KAZN: variants seen among roughly 807,000 people sequenced by gnomAD.
The protein encoded by KAZN is kazrin, periplakin interacting protein, also known as kazrin.
In KAZN, 40 loss-of-function variants were observed where a neutral mutation model predicts 87.4. The ratio of observed to expected loss-of-function variants is 0.46; its 90% CI spans 0.36 to 0.60. The LOEUF is 0.60. KAZN is among the 20% of genes least tolerant of loss of function. The pLI, the probability that KAZN is intolerant of heterozygous loss-of-function variation, is 0.00. For synonymous variants in KAZN, 466 were observed against 458.3 expected (o/e 1.02, Z -0.22); for missense variants, 898 against 1,073.9 (o/e 0.84, Z 2.29).
intron 1 of KAZN, among the ~76,000 whole-genome samples, chr1:13,910,670 G>A (rs1173582212): frequency 6.6e-6 from 1 of 151,956 alleles, no homozygotes; most frequent in Non-Finnish European, 1.5e-5. Context: ...CTACAGAACC[G>A]TAGCCAATTA....
intron 2 of KAZN, among the ~76,000 whole-genome samples, chr1:14,272,870 T>TAAAATA (rs942510362): frequency 6.6e-6 from 1 of 151,370 alleles, no homozygotes; most frequent in African/African-American, 2.4e-5. Context: ...AAACAAAAAA[T>TAAAATA]AAAATAAAAA....
chr1:14,743,882 G>A (rs1471545459), intron 1 of KAZN, among the ~76,000 whole-genome samples: 2 of 152,100 alleles, frequency 1.3e-5, no homozygotes, highest in Non-Finnish European at 2.9e-5. Flanking sequence ...GTGGAGACAG[G>A]GGCCCATCCA....
chr1:14,826,347 T>C (rs961529915), intron 1 of KAZN, among the ~76,000 whole-genome samples: 2 of 152,240 alleles, frequency 1.3e-5, no homozygotes, highest in Non-Finnish European at 2.9e-5. Context: ...GTTGGCCATA[T>C]GGATTTATTT....
chr1:15,092,064 T>TTG (rs1640564527), intron 8 of KAZN, among the ~76,000 whole-genome samples: 1 of 149,852 alleles, frequency 6.7e-6, no homozygotes, highest in Admixed American at 6.6e-5. Context: ...TTTTTTGTTT[T>TTG]TTTTTTTGAT....
intron 1 of KAZN, among the ~76,000 whole-genome samples, chr1:14,638,868 C>A: frequency 6.6e-6 from 1 of 152,178 alleles, no homozygotes; most frequent in African/African-American, 2.4e-5. Context: ...CCCATCCCAC[C>A]CATTTCCACC....
chr1:15,060,257 G>A lies in KAZN; in HGVS notation c.1002G>A (p.Pro334=), dbSNP rs560980284. Residue 334 remains proline, a synonymous_variant, in exon 6 of 15, where the codon CCG becomes CCA. Coordinates refer to ENST00000376030, the MANE Select transcript of KAZN (RefSeq NM_201628.3). The part of the protein sequence containing the change: ...SAAEGDRSST[P]SDINSPRHRT... ...CCGAAGGCGACCGGTCGTCCACACC[G>A]AGCGACATCAACTCCCCTCGACACC... The A allele has an allele frequency of 3.3e-5, 54 of 1,614,192 alleles. No individual in the cohort carries two copies. The highest frequency in any genetic ancestry group is 1.2e-4 in the South Asian group (11 of 91,080).
intron 8 of KAZN, among the ~76,000 whole-genome samples, chr1:15,073,129 C>A (rs1169373891): frequency 2.0e-5 from 3 of 152,154 alleles, no homozygotes; most frequent in Admixed American, 1.3e-4. Context: ...CACTGGACTT[C>A]CGTGTACGAG....
At chr1:13,961,890 C>T (rs1641766283) in intron 1 of KAZN, among the ~76,000 whole-genome samples, 1 of 152,200 alleles carries the variant, frequency 6.6e-6, no homozygotes, top group Non-Finnish European at 1.5e-5. Context: ...GATTGGCAGT[C>T]CATCCCTCTG....
chr1:14,526,214 T>C (rs1236103006), intron 2 of KAZN, among the ~76,000 whole-genome samples: 1 of 152,216 alleles, frequency 6.6e-6, no homozygotes, highest in Non-Finnish European at 1.5e-5. Flanking sequence ...GTAGGTACGA[T>C]TGACTCTTTA....
intron 1 of KAZN, among the ~76,000 whole-genome samples, chr1:14,148,290 C>T (rs1158211398): frequency 6.6e-6 from 1 of 152,194 alleles, no homozygotes; most frequent in Non-Finnish European, 1.5e-5. Context: ...TGCTTCTCCT[C>T]TCATCCCTGT....
chr1:14,154,431 A>G (rs1645544135), intron 1 of KAZN, among the ~76,000 whole-genome samples: 1 of 152,190 alleles, frequency 6.6e-6, no homozygotes, highest in South Asian at 2.1e-4. Flanking sequence ...ATAAGATCAT[A>G]TCATCTACAA....
At position 13,960,710 on chromosome 1, in the gene KAZN, AC is replaced by A. The variant is rs535447948; in HGVS notation, c.91+66955del. Among the ~76,000 whole-genome samples the A allele has an allele frequency of 3.3e-5, 5 of 152,314 alleles. No individual in the cohort carries two copies. In the East Asian group the frequency reaches 9.6e-4, roughly 29 times the overall value. On this transcript the variant is annotated intron_variant, in intron 1 of 16. Transcript: ENST00000636203. ...TACTTGGGCTAGTGTCTCCCAGGAC[AC>A]GAGGAAGGATAAGTTTCCAAAGGCG...
rs1662226157 is a variant in KAZN, at chr1:14,949,503, C to G, written c.227-11181C>G. ...ACCAGCAGTCGGGAACCCAGCCACT[C>G]TGGTGGCAGGCAGGTGCCTGCCTCT... On this transcript the variant is annotated intron_variant, in intron 1 of 14. Transcript: ENST00000376030. This position sits in a 1 kb window ranked among gnomAD's most constrained non-coding sequence, Gnocchi z 4.3. Among the ~76,000 whole-genome samples the G allele has an allele frequency of 6.6e-6, 1 of 152,200 alleles. No individual in the cohort carries two copies. Among genetic ancestry groups the G allele is most frequent in the Non-Finnish European group, 1.5e-5 (1 of 68,048 alleles).
chr1:14,952,232 C>A (rs1662571926), intron 1 of KAZN, among the ~76,000 whole-genome samples: 1 of 138,084 alleles, frequency 7.2e-6, no homozygotes, highest in Non-Finnish European at 1.5e-5. Flanking sequence ...CATCTGATTT[C>A]TTTCCCACTG....
rs185661280 is a variant in KAZN, at chr1:14,637,712, A to G, written c.226+38489A>G. ...TTAAGAACCACTGTCCTGCATAAAT[A>G]TATGTGTGTGTGCTCTTGTGGGGAC... On this transcript the variant is annotated intron_variant, in intron 1 of 14. Coordinates refer to ENST00000376030, the MANE Select transcript of KAZN (RefSeq NM_201628.3). Among the ~76,000 whole-genome samples the G allele has an allele frequency of 1.6e-4, 25 of 152,168 alleles. No homozygotes were observed. In the East Asian group the frequency reaches 2.7e-3, roughly 16 times the overall value.
intron 13 of KAZN, among the ~76,000 whole-genome samples, chr1:15,109,258 AC>A (rs1343048199): frequency 1.3e-5 from 2 of 152,038 alleles, no homozygotes; most frequent in African/African-American, 4.8e-5. Flanking sequence ...GGTGGCGTGC[AC>A]CTGTAGTCCC....
At chr1:14,274,776 A>G (rs945425387) in intron 2 of KAZN, among the ~76,000 whole-genome samples, 11 of 152,260 alleles carry the variant, frequency 7.2e-5, no homozygotes, top group African/African-American at 2.6e-4. Context: ...CAGAGTGATA[A>G]TACACACATC....
chr1:14,022,485 CAAAAAA>C (rs58713618), intron 1 of KAZN, among the ~76,000 whole-genome samples: 271 of 110,342 alleles, frequency 2.5e-3, no homozygotes, highest in African/African-American at 8.5e-3. Context: ...GTATTTAAAG[CAAAAAA>C]AAAAAAAAAA....
At chr1:14,046,168 C>A (rs1365054530) in intron 1 of KAZN, among the ~76,000 whole-genome samples, 1 of 152,168 alleles carries the variant, frequency 6.6e-6, no homozygotes, top group Non-Finnish European at 1.5e-5. Context: ...CTAATGATGA[C>A]TGAAGCAACA....
Sources: gnomAD v4.1 joint callset for allele counts (sites outside exome capture counted in the v4.1 genomes callset) on GRCh38, gnomAD v4.1.1 for gene constraint, Gnocchi (gnomAD v3.1) non-coding constraint, MANE v1.5 for transcripts, NCBI Gene and HGNC (gene_info 2026-07-23, HGNC 2026-07-21) for gene names.